SSPN: variants seen among roughly 807,000 people sequenced by gnomAD.
SSPN encodes the protein sarcospan, also known as K-ras oncogene-associated protein.
In SSPN, 15 loss-of-function variants were observed where a neutral mutation model predicts 19.1. The ratio of observed to expected loss-of-function variants is 0.78; its 90% CI spans 0.52 to 1.21. The LOEUF (loss-of-function observed/expected upper bound fraction) is 1.21, where lower values mean the gene tolerates loss of function less well. SSPN is among the 50% of genes most tolerant of loss of function. The pLI is 0.00. For synonymous variants in SSPN, 147 were observed against 140.3 expected, an observed-to-expected ratio of 1.05 and a Z score of -0.34; for missense variants, 291 against 314.0, an observed-to-expected ratio of 0.93 and a Z score of 0.55.
intron 1 of SSPN, among the ~76,000 whole-genome samples, chr12:26,205,489 A>G (rs1333560329): frequency 6.6e-6 from 1 of 152,170 alleles, no homozygotes; most frequent in Non-Finnish European, 1.5e-5. Flanking sequence ...TGTGGCATGC[A>G]TATCAGGCCA....
chr12:26,169,775 C>A (rs1944643390), intron 1 of SSPN, among the ~76,000 whole-genome samples: 1 of 152,050 alleles, frequency 6.6e-6, no homozygotes, highest in Admixed American at 6.5e-5. Context: ...AGTTCTCACC[C>A]CTCTTTCCTA....
intron 1 of SSPN, among the ~76,000 whole-genome samples, chr12:26,153,912 G>A (rs1182065228): frequency 2.0e-5 from 3 of 152,174 alleles, no homozygotes; most frequent in East Asian, 1.9e-4. Context: ...TATGAGCTAC[G>A]ATTCCTGAAG....
chr12:26,179,465 C>T (rs753370074), intron 1 of SSPN, among the ~76,000 whole-genome samples: 3 of 152,108 alleles, frequency 2.0e-5, no homozygotes, highest in African/African-American at 4.8e-5. Flanking sequence ...GTAGGGGTCA[C>T]GGTACCATCA....
chr12:26,145,716 T>A (rs549788940), intron 1 of SSPN, among the ~76,000 whole-genome samples: 1 of 152,190 alleles, frequency 6.6e-6, no homozygotes, highest in Non-Finnish European at 1.5e-5. Flanking sequence ...GCCACCACCA[T>A]GGCCTCAGAT....
At chr12:26,173,183 C>T (rs1037548172) in intron 1 of SSPN, among the ~76,000 whole-genome samples, 1 of 152,164 alleles carries the variant, frequency 6.6e-6, no homozygotes, top group African/African-American at 2.4e-5. Context: ...AACTGGGAAA[C>T]TTTACTCTGG....
chr12:26,136,740 A>G, intron 1 of SSPN, among the ~76,000 whole-genome samples: 1 of 152,156 alleles, frequency 6.6e-6, no homozygotes, highest in East Asian at 1.9e-4. Context: ...TGTCAACGTG[A>G]TTTTCCATTA....
intron 1 of SSPN, among the ~76,000 whole-genome samples, chr12:26,135,941 G>T (rs746081388): frequency 6.6e-6 from 1 of 152,148 alleles, no homozygotes; most frequent in Non-Finnish European, 1.5e-5. Flanking sequence ...CAAAGGTAAT[G>T]AAATAGACAT....
At chr12:26,137,316 C>T (rs1944431311) in intron 1 of SSPN, among the ~76,000 whole-genome samples, 1 of 152,120 alleles carries the variant, frequency 6.6e-6, no homozygotes, top group African/African-American at 2.4e-5. Flanking sequence ...CCCAAAAACC[C>T]AGACAAAAAT....
chr12:26,195,641 G>GCGGGGGGCC lies in SSPN; in HGVS notation c.-31_-30insGGGGGGCCC. ...CTCCAGGGCCCAGGGCGCCGCACAC[G>GCGGGGGGCC]CACCCACCCACCCACCCAGCCTCGC... On this transcript the variant is annotated 5_prime_UTR_variant, in exon 1 of 3. Transcript: ENST00000242729. 1.4e-5 allele frequency: 16 copies of GCGGGGGGCC among 1,105,390 alleles called. No homozygotes were observed. The highest frequency in any genetic ancestry group is 3.7e-5 in the South Asian group (1 of 27,366). 68.5% of individuals were successfully genotyped at this position (1,105,390 alleles called of 1,614,324 possible). A position where few individuals can be genotyped will look rare whatever the true frequency, so the allele number is the denominator to read the frequency against.
At chr12:26,124,747 T>G in intron 1 of SSPN, 1 of 1,614,204 alleles carries the variant, frequency 6.2e-7, no homozygotes, top group Non-Finnish European at 8.5e-7. Context: ...CCAGTAACTG[T>G]CTCTCTTGCA....
chr12:26,182,885 C>A (rs778336779), intron 1 of SSPN, among the ~76,000 whole-genome samples: 4 of 151,854 alleles, frequency 2.6e-5, no homozygotes, highest in Non-Finnish European at 5.9e-5. Flanking sequence ...GCCTCAGCCT[C>A]CCGAGTAGCT....
intron 1 of SSPN, among the ~76,000 whole-genome samples, chr12:26,147,186 C>T (rs992156253): frequency 6.6e-6 from 1 of 152,158 alleles, no homozygotes; most frequent in African/African-American, 2.4e-5. Flanking sequence ...TTTAGCTCAG[C>T]CAGGACATCT....
rs766583720 is a variant in SSPN at position 26,233,355 on chromosome 12, T to TATAC, written c.*2280_*2281insTACA. ...AGATATATATATATATATATACACA[T>TATAC]ACACACACACACACACATATATACT... On this transcript the variant is annotated 3_prime_UTR_variant, in exon 3 of 3. Transcript: ENST00000242729. This position sits in a 1 kb window ranked among gnomAD's most constrained non-coding sequence, Gnocchi z 4.3. The TATAC allele has an allele frequency of 6.8e-6, 1 of 146,540 alleles. No homozygotes were observed. Among genetic ancestry groups the TATAC allele is most frequent in the African/African-American group, 2.6e-5 (1 of 37,896 alleles). The allele number at this position is 146,540 out of a possible 1,614,324, so 9.1% of individuals were successfully genotyped here. A position where few individuals can be genotyped will look rare whatever the true frequency, so the allele number is the denominator to read the frequency against.
intron 2 of SSPN, among the ~76,000 whole-genome samples, chr12:26,227,802 T>C (rs1479135212): frequency 2.0e-5 from 3 of 152,190 alleles, no homozygotes; most frequent in East Asian, 1.9e-4. Context: ...TGCACAGGGA[T>C]TGATGAATTT....
At chr12:26,187,145 C>T in intron 1 of SSPN, among the ~76,000 whole-genome samples, 1 of 152,228 alleles carries the variant, frequency 6.6e-6, no homozygotes. Context: ...CTGATTCATC[C>T]TGCTCTGGCT....
chr12:26,208,021 G>GGGC (rs1555180113), intron 1 of SSPN, among the ~76,000 whole-genome samples: 1 of 95,064 alleles, frequency 1.1e-5, no homozygotes, highest in Non-Finnish European at 2.4e-5. Context: ...GTGGTGGTGG[G>GGGC]GGGGGGGGAT....
At chr12:26,225,719 TTGAC>T (rs1945168951) in intron 2 of SSPN, among the ~76,000 whole-genome samples, 1 of 145,842 alleles carries the variant, frequency 6.9e-6, no homozygotes, top group Non-Finnish European at 1.5e-5. Context: ...TTGGAGAGGT[TTGAC>T]TAAACAGCAA....
chr12:26,151,665 T>G (rs1314625135), intron 1 of SSPN, among the ~76,000 whole-genome samples: 1 of 152,148 alleles, frequency 6.6e-6, no homozygotes, highest in Non-Finnish European at 1.5e-5. Flanking sequence ...CTAATTTACC[T>G]ATGCATGACA....
chr12:26,206,037 C>G (rs28542984), intron 1 of SSPN, among the ~76,000 whole-genome samples: 3,642 of 152,186 alleles, frequency 0.024, 154 homozygotes, highest in African/African-American at 0.084. Flanking sequence ...GTTATAGAAC[C>G]CTCAAGAAAG....
Sources: allele counts gnomAD v4.1 joint callset (sites outside exome capture counted in the v4.1 genomes callset), GRCh38; gene constraint gnomAD v4.1.1; non-coding constraint Gnocchi (gnomAD v3.1); transcripts MANE v1.5; gene names NCBI Gene and HGNC (gene_info 2026-07-23, HGNC 2026-07-21).